The following ABL2 variants were observed in gnomAD, a reference collection of about 807,000 sequenced individuals.
ABL2 encodes the protein ABL proto-oncogene 2, non-receptor tyrosine kinase.
Under a neutral mutation model 107.7 loss-of-function variants are expected in ABL2, and 49 were observed. The ratio of observed to expected loss-of-function variants is 0.45; its 90% CI spans 0.36 to 0.58. ABL2 has a LOEUF of 0.58. Among genes scored for constraint, ABL2 ranks in the 20% least tolerant of loss-of-function variants. The probability of loss-of-function intolerance (pLI) is 0.00; values close to 1 mark genes in which losing one functional copy is unlikely to be tolerated. For missense variants in ABL2, 1,245 were observed against 1,457.0 expected (o/e 0.85, Z 2.37); for synonymous variants, 549 against 548.6 (o/e 1.00, Z -0.01).
chr1:179,117,624 C>A, intron 7 of ABL2, 108 bp from the exon 8 acceptor site: 1 of 1,052,796 alleles, frequency 9.5e-7, no homozygotes, highest in Non-Finnish European at 1.4e-6. Context: ...TAAGTGCTGA[C>A]AAATATGGTA....
chr1:179,148,915 GA>G (rs34992088), intron 1 of ABL2, among the ~76,000 whole-genome samples: 32,692 of 132,198 alleles, frequency 0.25, 4,189 homozygotes, highest in East Asian at 0.37. Context: ...AAAAAAAAAG[GA>G]AAAAAAAAAA....
intron 1 of ABL2, chr1:179,196,397 T>C (rs1661311189): frequency 6.6e-6 from 1 of 152,208 alleles, no homozygotes; most frequent in African/African-American, 2.4e-5. Context: ...GGATACACTA[T>C]GGGATGATTA....
intron 1 of ABL2, among the ~76,000 whole-genome samples, chr1:179,210,503 C>CAAAA (rs113814284): frequency 0.11 from 9,850 of 93,752 alleles, 602 homozygotes; most frequent in African/African-American, 0.14. Flanking sequence ...CTCTAACTCA[C>CAAAA]AAAAAAAAAA....
At chr1:179,110,521 A>G in intron 10 of ABL2, 66 bp from the exon 11 acceptor site, 2 of 1,546,120 alleles carry the variant, frequency 1.3e-6, no homozygotes, top group Non-Finnish European at 1.7e-6. Context: ...AGTTCTTTTC[A>G]GAAAAGGCAC....
chr1:179,160,223 A>G (rs1658978257), intron 1 of ABL2, among the ~76,000 whole-genome samples: 1 of 152,074 alleles, frequency 6.6e-6, no homozygotes, highest in South Asian at 2.1e-4. Flanking sequence ...AATATTAAGT[A>G]TCTACTTCAG....
At chr1:179,115,541 T>C (rs571108424) in intron 8 of ABL2, among the ~76,000 whole-genome samples, 1 of 152,304 alleles carries the variant, frequency 6.6e-6, no homozygotes, top group South Asian at 2.1e-4. Flanking sequence ...GCCTCGCACA[T>C]AAATCATCCT....
At chr1:179,112,000 G>A (rs1198803803) in intron 10 of ABL2, among the ~76,000 whole-genome samples, 4 of 151,402 alleles carry the variant, frequency 2.6e-5, no homozygotes, top group East Asian at 3.9e-4. Flanking sequence ...AGCTGACATC[G>A]CACCACTGCA....
intron 1 of ABL2, among the ~76,000 whole-genome samples, chr1:179,165,947 T>A (rs1000047585): frequency 2.6e-5 from 4 of 151,942 alleles, no homozygotes; most frequent in African/African-American, 9.7e-5. Context: ...AGGCACATGC[T>A]ACCACGCCCA....
At chr1:179,219,937 T>C (rs1156854630) in intron 1 of ABL2, among the ~76,000 whole-genome samples, 7 of 152,268 alleles carry the variant, frequency 4.6e-5, no homozygotes, top group African/African-American at 1.7e-4. Flanking sequence ...ATAAAACTGA[T>C]ATTTATTGAG....
chr1:179,208,144 T>C lies in ABL2; in HGVS notation c.157+21097A>G, dbSNP rs976123169. Among the ~76,000 whole-genome samples, 8 of 152,114 alleles carry C rather than the reference T, an allele frequency of 5.3e-5. No individual in the cohort carries two copies. In the South Asian group the frequency reaches 1.5e-3, roughly 28 times the overall value. ...AACCTTTAATAAAGTGAATTGTATA[T>C]GTTATATATATATTTTTTCAACTTT... is the stretch of plus-strand genomic sequence containing the variant. On this transcript the variant is annotated intron_variant, in intron 1 of 11. Coordinates refer to ENST00000502732, the MANE Select transcript of ABL2 (RefSeq NM_007314.4).
intron 1 of ABL2, among the ~76,000 whole-genome samples, chr1:179,162,718 CTT>C (rs1659148342): frequency 6.6e-6 from 1 of 152,188 alleles, no homozygotes; most frequent in South Asian, 2.1e-4. Context: ...GGAATGGACT[CTT>C]GAGATAAGAA....
chr1:179,152,445 A>T (rs1173818727), intron 1 of ABL2, among the ~76,000 whole-genome samples: 1 of 152,198 alleles, frequency 6.6e-6, no homozygotes, highest in Non-Finnish European at 1.5e-5. Flanking sequence ...ACCTTCAGAA[A>T]CCAACTCCCT....
chr1:179,146,816 T>C (rs1318411655), intron 1 of ABL2, among the ~76,000 whole-genome samples: 1 of 152,142 alleles, frequency 6.6e-6, no homozygotes, highest in Non-Finnish European at 1.5e-5. Flanking sequence ...AGGAAAAAGA[T>C]ATATCACCCC....
chr1:179,114,188 G>C (rs970771955), intron 9 of ABL2, among the ~76,000 whole-genome samples: 1 of 151,918 alleles, frequency 6.6e-6, no homozygotes. Context: ...CTGGGGGACG[G>C]AGGTTGCAAA....
intron 1 of ABL2, among the ~76,000 whole-genome samples, chr1:179,200,047 T>G (rs1169889781): frequency 7.1e-6 from 1 of 141,368 alleles, no homozygotes; most frequent in Non-Finnish European, 1.5e-5. Context: ...GCCTTTTTTT[T>G]TTTTTTTTTT....
At chr1:179,151,743 A>C (rs1658373618) in intron 1 of ABL2, among the ~76,000 whole-genome samples, 1 of 152,194 alleles carries the variant, frequency 6.6e-6, no homozygotes. Context: ...TCATTGATTT[A>C]ATTTAATTCA....
intron 1 of ABL2, among the ~76,000 whole-genome samples, chr1:179,222,321 C>T (rs1163975140): frequency 6.6e-6 from 1 of 152,140 alleles, no homozygotes. Flanking sequence ...CCTCCGCCTC[C>T]TAGGTTCAAG....
Position 179,229,354 on chromosome 1 carries a change from T to A in ABL2, c.44A>T (p.Gln15Leu), listed in dbSNP as rs779137464. The change falls in exon 1 of 12, where the codon CAG becomes CTG. Residue 15 changes from glutamine (Q) to leucine (L), a missense_variant. By Grantham distance (113) the Gln-to-Leu change is moderately radical. Around this residue, in one of 3 missense-constraint regions of ABL2, gnomAD observed 164 missense variants for 143.7 expected, o/e 1.14. Coordinates refer to ENST00000502732, the MANE Select transcript of ABL2 (RefSeq NM_007314.4). The part of the protein sequence containing the change: ...VGRVGEAPGL[Q>L]QPQPRGIRGS... ...CCGGATCCCGCGGGGCTGAGGCTGC[T>A]GGAGCCCCGGAGCTTCCCCGACGCG... 4.4e-6 allele frequency: 7 copies of A among 1,582,298 alleles called. No homozygotes were observed. The South Asian group carries it at 8.0e-5, about 18-fold the overall frequency.
In ABL2 at chr1:179,108,917, TAG is replaced by T; in HGVS notation, c.2348_2349del (p.Ser783TyrfsTer13). 1 of 1,614,084 alleles carries T rather than the reference TAG, an allele frequency of 6.2e-7. No homozygotes were observed. The highest frequency in any genetic ancestry group is 8.5e-7 in the Non-Finnish European group (1 of 1,180,016). On this transcript the variant is annotated frameshift_variant, in exon 12 of 12. Coordinates refer to ENST00000502732, the MANE Select transcript of ABL2 (RefSeq NM_007314.4). LOFTEE classifies it high-confidence loss of function. ...GGAAGCCCTGAGGACATGGAAGATG[TAG>T]AGTTTGACCTTGGAAAAGGCTTGGA... ...DTSKPFPRSN[S>X]TSSMSSGLPE... is the part of the protein sequence containing the mutation.
Sources: gnomAD v4.1 joint callset for allele counts (sites outside exome capture counted in the v4.1 genomes callset) on GRCh38, gnomAD v4.1.1 for gene constraint, gnomAD v4.1.1 regional missense constraint, MANE v1.5 for transcripts, NCBI Gene and HGNC (gene_info 2026-07-23, HGNC 2026-07-21) for gene names.